Variants in SLCO1B1 observed in about 807,000 individuals in gnomAD.
The protein encoded by SLCO1B1 is solute carrier organic anion transporter family member 1B1.
A neutral mutation model predicts 70.1 loss-of-function variants in SLCO1B1; 81 were observed. The ratio of observed to expected loss-of-function variants is 1.16; its 90% confidence interval spans 0.97 to 1.39. The LOEUF is 1.39. SLCO1B1 is among the 40% of genes most tolerant of loss of function. The pLI, the probability that SLCO1B1 is intolerant of heterozygous loss-of-function variation, is 0.00. For synonymous variants in SLCO1B1, 283 were observed against 271.5 expected, an observed-to-expected ratio of 1.04 and a Z score of -0.42; for missense variants, 895 against 799.6, an observed-to-expected ratio of 1.12 and a Z score of -1.44.
chr12:21,210,854 C>T (rs901912985), intron 11 of SLCO1B1, among the ~76,000 whole-genome samples: 3 of 151,732 alleles, frequency 2.0e-5, no homozygotes, highest in African/African-American at 7.3e-5. Context: ...TGATTTGGCT[C>T]TCTGTTTGTC....
At chr12:21,172,584 G>A (rs1357317113) in intron 2 of SLCO1B1, 66 bp from the exon 3 acceptor site, 7 of 1,475,710 alleles carry the variant, frequency 4.7e-6, no homozygotes, top group Admixed American at 1.7e-5. Flanking sequence ...ATAATTCCAT[G>A]TGCCTATTGA....
At chr12:21,135,901 C>G (rs1940213732) in intron 1 of SLCO1B1, among the ~76,000 whole-genome samples, 1 of 152,054 alleles carries the variant, frequency 6.6e-6, no homozygotes, top group Non-Finnish European at 1.5e-5. Context: ...TTATTTTGCT[C>G]ATTAGTTGAT....
intron 7 of SLCO1B1, among the ~76,000 whole-genome samples, chr12:21,196,723 A>C (rs11045850): frequency 0.01 from 1,536 of 152,282 alleles, 34 homozygotes; most frequent in South Asian, 0.039. Flanking sequence ...ACACAAGCTC[A>C]GGCAATGACA....
intron 14 of SLCO1B1, among the ~76,000 whole-genome samples, chr12:21,235,697 G>A (rs1313213395): frequency 6.6e-6 from 1 of 151,836 alleles, no homozygotes; most frequent in African/African-American, 2.4e-5. Flanking sequence ...GTTTTTTCCT[G>A]TTTTGAACTC....
chr12:21,158,137 A>G (rs1357718119), intron 2 of SLCO1B1, among the ~76,000 whole-genome samples: 4 of 152,234 alleles, frequency 2.6e-5, no homozygotes, highest in Non-Finnish European at 5.9e-5. Flanking sequence ...TTTAAATTTC[A>G]ACAAACATTT....
intron 1 of SLCO1B1, among the ~76,000 whole-genome samples, chr12:21,141,232 T>A (rs1940303029): frequency 6.6e-6 from 1 of 151,696 alleles, no homozygotes; most frequent in African/African-American, 2.4e-5. Flanking sequence ...TAATTTAAAA[T>A]GTTCATGTAA....
At chr12:21,170,228 G>T (rs1940740974) in intron 2 of SLCO1B1, among the ~76,000 whole-genome samples, 1 of 152,148 alleles carries the variant, frequency 6.6e-6, no homozygotes, top group South Asian at 2.1e-4. Flanking sequence ...AGATTTAAAT[G>T]TTTCCTTCCA....
chr12:21,199,967 A>G (rs1446291000), intron 8 of SLCO1B1, among the ~76,000 whole-genome samples: 1 of 151,844 alleles, frequency 6.6e-6, no homozygotes, highest in African/African-American at 2.4e-5. Flanking sequence ...GTGCTGGCCA[A>G]TGTTTGTATT....
chr12:21,226,024 A>G (rs1029542919), intron 14 of SLCO1B1, among the ~76,000 whole-genome samples: 25 of 152,242 alleles, frequency 1.6e-4, no homozygotes, highest in African/African-American at 6.0e-4. Flanking sequence ...TTCATACAAT[A>G]GAAAATTATT....
At chr12:21,198,315 C>T (rs1313220230) in intron 8 of SLCO1B1, among the ~76,000 whole-genome samples, 1 of 152,048 alleles carries the variant, frequency 6.6e-6, no homozygotes, top group African/African-American at 2.4e-5. Context: ...GGATATACTA[C>T]AAGTAGAAGT....
At chr12:21,154,594 A>T (rs1045119029) in intron 2 of SLCO1B1, among the ~76,000 whole-genome samples, 3 of 152,094 alleles carry the variant, frequency 2.0e-5, no homozygotes, top group Non-Finnish European at 4.4e-5. Flanking sequence ...ATATGATGCT[A>T]TCTGGATTTT....
intron 2 of SLCO1B1, among the ~76,000 whole-genome samples, chr12:21,154,540 A>T (rs1940515525): frequency 6.6e-6 from 1 of 152,136 alleles, no homozygotes; most frequent in African/African-American, 2.4e-5. Flanking sequence ...AGACTGAGAC[A>T]TATGTTCACA....
intron 2 of SLCO1B1, among the ~76,000 whole-genome samples, chr12:21,165,777 G>C (rs78393598): frequency 0.012 from 1,779 of 152,116 alleles, 25 homozygotes; most frequent in Non-Finnish European, 0.018. Flanking sequence ...CAGCCTAGGA[G>C]AGGGCCCTCA....
At chr12:21,180,609 G>A (rs1439302360) in intron 7 of SLCO1B1, among the ~76,000 whole-genome samples, 4 of 152,064 alleles carry the variant, frequency 2.6e-5, no homozygotes, top group African/African-American at 9.7e-5. Context: ...TTCCAAGATG[G>A]GATAGACATC....
At chr12:21,132,605 C>T (rs944575301) in intron 1 of SLCO1B1, among the ~76,000 whole-genome samples, 3 of 152,122 alleles carry the variant, frequency 2.0e-5, no homozygotes, top group African/African-American at 7.2e-5. Context: ...AGCATTTTTT[C>T]ACGTGTTTTT....
chr12:21,141,597 A>G lies in SLCO1B1; in HGVS notation c.23A>G (p.Asn8Ser). ...ATCATGGACCAAAATCAACATTTGA[A>G]TAAAACAGCAGAGGCACAACCTTCA... MDQNQHL[N>S]KTAEAQPSEN... Residue 8 changes from asparagine (N) to serine (S), a missense_variant, in exon 2 of 15, where the codon AAT (asparagine) becomes AGT (serine). By Grantham distance (46) the Asn-to-Ser change is conservative. Coordinates refer to ENST00000256958, the MANE Select transcript of SLCO1B1 (RefSeq NM_006446.5). 6.2e-7 allele frequency: 1 copy of G among 1,608,894 alleles called. No homozygotes were observed. Among genetic ancestry groups the G allele is most frequent in the South Asian group, 1.1e-5 (1 of 90,740 alleles).
At chr12:21,216,001 T>C (rs1941353446) in intron 11 of SLCO1B1, among the ~76,000 whole-genome samples, 1 of 152,136 alleles carries the variant, frequency 6.6e-6, no homozygotes. Context: ...TGCTCCCTCT[T>C]TGCACACTAG....
chr12:21,187,188 T>C (rs1207218517), intron 7 of SLCO1B1, among the ~76,000 whole-genome samples: 1 of 152,122 alleles, frequency 6.6e-6, no homozygotes, highest in African/African-American at 2.4e-5. Flanking sequence ...GTAAGTCTAC[T>C]ATTCTGTACA....
chr12:21,136,960 T>C (rs1470495678), intron 1 of SLCO1B1, among the ~76,000 whole-genome samples: 1 of 152,208 alleles, frequency 6.6e-6, no homozygotes, highest in Non-Finnish European at 1.5e-5. Context: ...ATCTTTGTGG[T>C]TTCATCTATC....
Sources: allele counts gnomAD v4.1 joint callset (sites outside exome capture counted in the v4.1 genomes callset), GRCh38; gene constraint gnomAD v4.1.1; transcripts MANE v1.5; gene names NCBI Gene and HGNC (gene_info 2026-07-23, HGNC 2026-07-21).